The following CATSPERB variants were observed in gnomAD, a reference collection of about 807,000 sequenced individuals.
CATSPERB encodes cation channel sperm-associated auxiliary subunit beta.
Under a neutral mutation model 128.3 loss-of-function variants are expected in CATSPERB, and 93 were observed. The ratio of observed to expected loss-of-function variants is 0.72; its 90% CI spans 0.61 to 0.86. CATSPERB has a LOEUF of 0.86. Ranked by LOEUF, CATSPERB falls within the 40% of genes least tolerant of loss-of-function variation. The probability of loss-of-function intolerance (pLI) is 0.00; values close to 1 mark genes in which losing one functional copy is unlikely to be tolerated. For synonymous variants in CATSPERB, 381 were observed against 448.8 expected, an observed-to-expected ratio of 0.85 and a Z score of 1.91; for missense variants, 1,153 against 1,329.5, an observed-to-expected ratio of 0.87 and a Z score of 2.06.
chr14:91,686,516 AT>A (rs1895378099), intron 10 of CATSPERB, among the ~76,000 whole-genome samples: 1 of 152,076 alleles, frequency 6.6e-6, no homozygotes, highest in Admixed American at 6.6e-5. Context: ...CTTAAAAATA[AT>A]TTCACTTTTT....
chr14:91,619,775 AT>A (rs1894008429), intron 19 of CATSPERB, among the ~76,000 whole-genome samples: 1 of 151,340 alleles, frequency 6.6e-6, no homozygotes. Context: ...ATGGAGACTG[AT>A]TTTTCCCTGG....
intron 15 of CATSPERB, among the ~76,000 whole-genome samples, chr14:91,647,500 A>G (rs998870120): frequency 1.7e-4 from 26 of 152,236 alleles, no homozygotes. Flanking sequence ...TAATAAAGAC[A>G]TACCTGAGAC....
intron 5 of CATSPERB, among the ~76,000 whole-genome samples, chr14:91,713,850 T>G (rs1895884292): frequency 6.6e-6 from 1 of 152,062 alleles, no homozygotes; most frequent in East Asian, 1.9e-4. Flanking sequence ...GATACTAGAA[T>G]GAAATAAAGA....
At chr14:91,637,030 T>C (rs1894388014) in intron 16 of CATSPERB, among the ~76,000 whole-genome samples, 1 of 152,224 alleles carries the variant, frequency 6.6e-6, no homozygotes, top group African/African-American at 2.4e-5. Context: ...ACTGGCAGCA[T>C]AAGCTGTTCT....
At chr14:91,593,254 A>C (rs1174776627) in intron 22 of CATSPERB, among the ~76,000 whole-genome samples, 1 of 152,224 alleles carries the variant, frequency 6.6e-6, no homozygotes, top group African/African-American at 2.4e-5. Flanking sequence ...CTACTGGGGC[A>C]CTGCCTAGTG....
intron 11 of CATSPERB, among the ~76,000 whole-genome samples, chr14:91,680,237 G>T (rs895054858): frequency 6.6e-6 from 1 of 152,072 alleles, no homozygotes; most frequent in African/African-American, 2.4e-5. Context: ...TTGAAATGTT[G>T]CCAATTATGT....
chr14:91,632,050 GA>G (rs1242857935), intron 17 of CATSPERB, among the ~76,000 whole-genome samples: 1 of 151,984 alleles, frequency 6.6e-6, no homozygotes, highest in Non-Finnish European at 1.5e-5. Context: ...ATGAAACATA[GA>G]AAAAGGTGGG....
chr14:91,673,196 A>G (rs1018249185), intron 12 of CATSPERB, among the ~76,000 whole-genome samples, 180 bp from the exon 13 acceptor site: 2 of 145,174 alleles, frequency 1.4e-5, no homozygotes, highest in African/African-American at 5.1e-5. Flanking sequence ...TGGTCTTAAA[A>G]CGTTTTTCTC....
chr14:91,589,542 C>T lies in CATSPERB; in HGVS notation c.2948G>A (p.Trp983Ter), dbSNP rs753707690. The stretch of plus-strand genomic sequence containing the variant: ...ATGAAAGCAAACCCTACTCAGTTTC[C>T]AGTTGTGCCTCATGTTCACTTCAGT... ...TVTEVNMRHN[W>*]KLKHTVPENI... Residue 983 changes from tryptophan (W) to a stop codon, truncating the protein, a stop_gained, in exon 24 of 27, where the codon TGG becomes TAG. Transcript: ENST00000256343. LOFTEE classifies it high-confidence loss of function. 6.2e-7 allele frequency: 1 copy of T among 1,612,090 alleles called. No individual in the cohort carries two copies. The highest frequency in any genetic ancestry group is 8.5e-7 in the Non-Finnish European group (1 of 1,178,840).
intron 15 of CATSPERB, among the ~76,000 whole-genome samples, chr14:91,648,625 T>C (rs1362902737): frequency 1.3e-5 from 2 of 152,202 alleles, no homozygotes; most frequent in Non-Finnish European, 2.9e-5. Flanking sequence ...ATATTTGTAC[T>C]ATTTATATTT....
intron 7 of CATSPERB, among the ~76,000 whole-genome samples, chr14:91,694,463 A>G (rs1054489286): frequency 1.2e-4 from 18 of 144,884 alleles, no homozygotes; most frequent in East Asian, 4.0e-4. Context: ...AAAAAAAAAA[A>G]AAAGAAATCT....
rs1312928704 is a variant in CATSPERB at position 91,693,121 on chromosome 14, C to CA, written c.831+4dup. ...TAGCTATTAGTTACAAAGCAATTTA[C>CA]ATACCGATAAGCTGTGGCGTGATGG... On this transcript the variant is annotated splice_donor_region_variant and intron_variant, in intron 9 of 26. Transcript: ENST00000256343. 1.3e-6 allele frequency: 2 copies of CA among 1,581,962 alleles called. No homozygotes were observed. Among genetic ancestry groups the CA allele is most frequent in the East Asian group, 4.5e-5 (2 of 44,680 alleles).
At chr14:91,611,613 A>G (rs2139777906) in intron 20 of CATSPERB, among the ~76,000 whole-genome samples, 1 of 152,292 alleles carries the variant, frequency 6.6e-6, no homozygotes, top group Middle Eastern at 3.4e-3. Context: ...TCTCAAAAAC[A>G]AACAAACAAA....
chr14:91,640,452 A>T (rs1454509194), intron 15 of CATSPERB, among the ~76,000 whole-genome samples: 1 of 105,702 alleles, frequency 9.5e-6, no homozygotes, highest in Non-Finnish European at 1.9e-5. Context: ...TGTCCATGTG[A>T]TCTCATTGTT....
intron 26 of CATSPERB, among the ~76,000 whole-genome samples, chr14:91,582,501 G>T (rs571264232): frequency 7.9e-4 from 120 of 152,308 alleles, no homozygotes; most frequent in Non-Finnish European, 1.3e-3. Flanking sequence ...GGCAGTCCCA[G>T]GTAAATCCAC....
rs1036556461 is a variant in CATSPERB at position 91,675,346 on chromosome 14, G to A, written c.932-1124C>T. 9.2e-5 allele frequency among the ~76,000 whole-genome samples: 14 copies of A among 152,190 alleles called. 1 individual carries two copies. The highest frequency in any genetic ancestry group is 1.6e-4 in the Non-Finnish European group (11 of 68,038). On this transcript the variant is annotated intron_variant, in intron 11 of 26. Transcript: ENST00000256343. ...ATCTCCCTTCTCTCCCTGTCATGGC[G>A]TTAGCTGCCTACTACACTTTGCTGG...
At chr14:91,642,867 A>G (rs1894523269) in intron 15 of CATSPERB, among the ~76,000 whole-genome samples, 1 of 140,640 alleles carries the variant, frequency 7.1e-6, no homozygotes, top group Non-Finnish European at 1.5e-5. Context: ...TAAACTACTG[A>G]TTATTGCCAC....
chr14:91,621,998 C>G (rs543496492), intron 18 of CATSPERB, 61 bp from the exon 19 acceptor site: 6 of 1,118,176 alleles, frequency 5.4e-6, no homozygotes, highest in Non-Finnish European at 7.6e-6. Flanking sequence ...GCCAAACAAA[C>G]TGATGTACAT....
intron 9 of CATSPERB, 89 bp from the exon 10 acceptor site, chr14:91,691,644 A>G: frequency 2.0e-6 from 2 of 1,021,670 alleles, no homozygotes; most frequent in East Asian, 4.8e-5. Flanking sequence ...AAGGAAATAA[A>G]CCATATAAAT....
Sources: allele counts gnomAD v4.1 joint callset (sites outside exome capture counted in the v4.1 genomes callset), GRCh38; gene constraint gnomAD v4.1.1; transcripts MANE v1.5; gene names NCBI Gene and HGNC (gene_info 2026-07-23, HGNC 2026-07-21).